The following BRINP3 variants were observed in gnomAD, a reference collection of about 807,000 sequenced individuals.
The protein encoded by BRINP3 is BMP/retinoic acid-inducible neural-specific protein 3.
Under a neutral mutation model 71.0 loss-of-function variants are expected in BRINP3, and 19 were observed. The ratio of observed to expected loss-of-function variants is 0.27; its 90% CI spans 0.19 to 0.39. The LOEUF (loss-of-function observed/expected upper bound fraction) is 0.39, where lower values mean the gene tolerates loss of function less well. Among genes scored for constraint, BRINP3 ranks in the 10% least tolerant of loss-of-function variants. BRINP3 has a pLI of 1.00. For missense variants in BRINP3, 959 were observed against 940.8 expected (o/e 1.02, Z -0.25); for synonymous variants, 380 against 337.7 (o/e 1.13, Z -1.37).
chr1:190,179,271 C>A (rs1288478752), intron 6 of BRINP3, among the ~76,000 whole-genome samples: 1 of 152,094 alleles, frequency 6.6e-6, no homozygotes, highest in Non-Finnish European at 1.5e-5. Context: ...AATAGAAACA[C>A]CTTGCCAGGG....
At chr1:190,369,157 G>GTA (rs1405872049) in intron 2 of BRINP3, among the ~76,000 whole-genome samples, 3 of 151,986 alleles carry the variant, frequency 2.0e-5, no homozygotes, top group Non-Finnish European at 4.4e-5. Context: ...AATAAAGAAG[G>GTA]TATATATATC....
intron 2 of BRINP3, chr1:190,362,196 T>A (rs1036448955): frequency 6.6e-6 from 1 of 152,170 alleles, no homozygotes; most frequent in African/African-American, 2.4e-5. Flanking sequence ...AAAAGTCTAT[T>A]GTTTAAGCCA....
chr1:190,153,603 C>T (rs1446978968), intron 7 of BRINP3, among the ~76,000 whole-genome samples: 1 of 152,090 alleles, frequency 6.6e-6, no homozygotes, highest in Admixed American at 6.6e-5. Flanking sequence ...AAACTAATAT[C>T]CTAATTTCCA....
intron 2 of BRINP3, among the ~76,000 whole-genome samples, chr1:190,385,614 T>C (rs374680000): frequency 6.6e-6 from 1 of 151,808 alleles, no homozygotes; most frequent in Non-Finnish European, 1.5e-5. Context: ...GAAATAGGAA[T>C]ACTTTTACAC....
intron 2 of BRINP3, among the ~76,000 whole-genome samples, chr1:190,357,560 T>C (rs924848616): frequency 1.3e-5 from 2 of 152,004 alleles, no homozygotes; most frequent in Non-Finnish European, 2.9e-5. Flanking sequence ...AGAATTTAAC[T>C]TGGGCCTGTA....
chr1:190,139,149 G>GA (rs11313193), intron 7 of BRINP3, among the ~76,000 whole-genome samples: 149 of 143,328 alleles, frequency 1.0e-3, no homozygotes, highest in East Asian at 3.8e-3. Flanking sequence ...CCGCATCATA[G>GA]AAAAAAAAAA....
chr1:190,258,339 G>T (rs1055290225), intron 4 of BRINP3, among the ~76,000 whole-genome samples: 1 of 151,980 alleles, frequency 6.6e-6, no homozygotes, highest in African/African-American at 2.4e-5. Flanking sequence ...GACCATACCT[G>T]GAAAAACGGG....
intron 2 of BRINP3, among the ~76,000 whole-genome samples, chr1:190,298,623 T>C (rs887588895): frequency 6.6e-5 from 10 of 152,120 alleles, no homozygotes; most frequent in African/African-American, 2.2e-4. Context: ...GGTTTCCAAG[T>C]GTTTGGAAAT....
intron 2 of BRINP3, among the ~76,000 whole-genome samples, chr1:190,400,024 GCATTTGTTGACCACC>G (rs1288047722): frequency 6.6e-6 from 1 of 152,074 alleles, no homozygotes; most frequent in East Asian, 1.9e-4. Context: ...AAGTCAATTA[GCATTTGTTGACCACC>G]CATCACACTG....
intron 1 of BRINP3, among the ~76,000 whole-genome samples, chr1:190,473,773 A>ATTTTTTTTT (rs200647038): frequency 7.0e-6 from 1 of 142,414 alleles, no homozygotes; most frequent in African/African-American, 2.6e-5. Flanking sequence ...ATAATTTTCT[A>ATTTTTTTTT]TTTTTTTTTT....
chr1:190,342,630 G>A (rs1222880793), intron 2 of BRINP3: 1 of 151,186 alleles, frequency 6.6e-6, no homozygotes, highest in African/African-American at 2.4e-5. Flanking sequence ...GGCTACTGTT[G>A]GCAACTGGGC....
At chr1:190,179,346 A>G (rs919511110) in intron 6 of BRINP3, among the ~76,000 whole-genome samples, 2 of 152,170 alleles carry the variant, frequency 1.3e-5, no homozygotes, top group African/African-American at 2.4e-5. Context: ...ACTATTGATT[A>G]CATTTCTTGA....
chr1:190,177,316 C>A (rs555333626), intron 6 of BRINP3, among the ~76,000 whole-genome samples: 23 of 148,104 alleles, frequency 1.6e-4, no homozygotes, highest in Admixed American at 1.1e-3. Flanking sequence ...GCGCCCATTA[C>A]CATGCCTGGA....
chr1:190,259,026 G>A (rs1660928768), intron 4 of BRINP3, among the ~76,000 whole-genome samples: 2 of 151,898 alleles, frequency 1.3e-5, no homozygotes, highest in African/African-American at 4.8e-5. Context: ...ACAAAGAAAA[G>A]TTCACATCTA....
intron 2 of BRINP3, among the ~76,000 whole-genome samples, chr1:190,311,668 A>G (rs974419530): frequency 2.0e-5 from 3 of 151,480 alleles, no homozygotes; most frequent in African/African-American, 7.3e-5. Flanking sequence ...GGGAAAGTTT[A>G]TATCATCACA....
chr1:190,187,816 T>C (rs903047760), intron 6 of BRINP3, among the ~76,000 whole-genome samples: 4 of 152,112 alleles, frequency 2.6e-5, no homozygotes, highest in African/African-American at 9.6e-5. Context: ...GATAGTGTGA[T>C]GTCTCCAGGT....
chr1:190,215,648 T>C (rs1311181625), intron 6 of BRINP3, among the ~76,000 whole-genome samples: 1 of 151,926 alleles, frequency 6.6e-6, no homozygotes, highest in East Asian at 1.9e-4. Context: ...TTTGGCTTTG[T>C]AGCATTAGAA....
chr1:190,418,513 T>A (rs1273234664), intron 2 of BRINP3, among the ~76,000 whole-genome samples: 2 of 152,188 alleles, frequency 1.3e-5, no homozygotes, highest in Non-Finnish European at 2.9e-5. Flanking sequence ...TTCCTTCTCA[T>A]TACACGTATC....
chr1:190,323,229 C>T (rs538141054), intron 2 of BRINP3, among the ~76,000 whole-genome samples: 171 of 152,064 alleles, frequency 1.1e-3, no homozygotes, highest in African/African-American at 3.2e-3. Flanking sequence ...ATTTCCACCA[C>T]AAATTTATAT....
Sources: gnomAD v4.1 joint callset for allele counts (sites outside exome capture counted in the v4.1 genomes callset) on GRCh38, gnomAD v4.1.1 for gene constraint, MANE v1.5 for transcripts, NCBI Gene and HGNC (gene_info 2026-07-23, HGNC 2026-07-21) for gene names.